TTC29: variants seen among roughly 807,000 people sequenced by gnomAD.
The protein encoded by TTC29 is tetratricopeptide repeat domain 29.
TTC29 carries 49 observed loss-of-function variants against 58.1 expected under a neutral mutation model. The ratio of observed to expected loss-of-function variants is 0.84; its 90% confidence interval spans 0.67 to 1.07. The LOEUF (loss-of-function observed/expected upper bound fraction) is 1.07, where lower values mean the gene tolerates loss of function less well. Among genes scored for constraint, TTC29 ranks in the 50% least tolerant of loss-of-function variants. TTC29 has a pLI of 0.00. For synonymous variants in TTC29, 209 were observed against 196.8 expected, an observed-to-expected ratio of 1.06 and a Z score of -0.52; for missense variants, 582 against 555.6, an observed-to-expected ratio of 1.05 and a Z score of -0.48.
chr4:146,900,541 C>A (rs112889307), intron 6 of TTC29, among the ~76,000 whole-genome samples: 1 of 152,134 alleles, frequency 6.6e-6, no homozygotes, highest in Non-Finnish European at 1.5e-5. Context: ...ATGGTAGGTG[C>A]AACATGGTGC....
At chr4:146,755,552 C>T (rs1021743381) in intron 11 of TTC29, among the ~76,000 whole-genome samples, 4 of 151,978 alleles carry the variant, frequency 2.6e-5, no homozygotes, top group Non-Finnish European at 4.4e-5. Flanking sequence ...CACATAGGGA[C>T]GATAGGTAAT....
At chr4:146,758,094 GA>G (rs2150057704) in intron 11 of TTC29, among the ~76,000 whole-genome samples, 1 of 152,180 alleles carries the variant, frequency 6.6e-6, no homozygotes, top group Non-Finnish European at 1.5e-5. Context: ...CTGCCTTCAG[GA>G]GACTTACCTA....
intron 8 of TTC29, among the ~76,000 whole-genome samples, chr4:146,850,231 G>T (rs79907052): frequency 0.061 from 9,288 of 152,256 alleles, 391 homozygotes; most frequent in Admixed American, 0.13. Flanking sequence ...AACACCCCAT[G>T]CATTGGCATT....
At chr4:146,815,419 A>G (rs1210266506) in intron 10 of TTC29, among the ~76,000 whole-genome samples, 3 of 152,210 alleles carry the variant, frequency 2.0e-5, no homozygotes, top group African/African-American at 4.8e-5. Context: ...AAGGTGGAGA[A>G]GAGTAGAAAG....
intron 6 of TTC29, among the ~76,000 whole-genome samples, chr4:146,902,021 A>G (rs1180096315): frequency 2.0e-5 from 3 of 152,224 alleles, no homozygotes; most frequent in African/African-American, 7.2e-5. Context: ...TGCTAAATAC[A>G]TTTAGCTAAT....
chr4:146,865,353 T>C (rs1025801248), intron 8 of TTC29, among the ~76,000 whole-genome samples: 1 of 152,182 alleles, frequency 6.6e-6, no homozygotes, highest in Admixed American at 6.5e-5. Context: ...GATGTTTGAA[T>C]CCATTATGGC....
chr4:146,898,337 A>T (rs1300002680), intron 6 of TTC29, among the ~76,000 whole-genome samples: 1 of 152,152 alleles, frequency 6.6e-6, no homozygotes, highest in Non-Finnish European at 1.5e-5. Context: ...TGTCTTCACA[A>T]TACTGTGCTG....
intron 8 of TTC29, among the ~76,000 whole-genome samples, chr4:146,848,152 A>G (rs1356822154): frequency 1.3e-5 from 2 of 152,268 alleles, no homozygotes; most frequent in Non-Finnish European, 2.9e-5. Context: ...ACTGGAAAGA[A>G]ACGTGAGTGG....
At chr4:146,894,893 T>C (rs1732661805) in intron 6 of TTC29, among the ~76,000 whole-genome samples, 1 of 152,132 alleles carries the variant, frequency 6.6e-6, no homozygotes, top group South Asian at 2.1e-4. Flanking sequence ...GCAGGTTTGC[T>C]ACATAAGTAA....
intron 6 of TTC29, among the ~76,000 whole-genome samples, chr4:146,901,799 C>CA (rs1402410774): frequency 3.3e-5 from 5 of 152,202 alleles, no homozygotes; most frequent in Non-Finnish European, 7.3e-5. Context: ...TTTATTGTAG[C>CA]ACTTAACACT....
intron 11 of TTC29, among the ~76,000 whole-genome samples, chr4:146,744,183 G>T (rs762312471): frequency 3.9e-5 from 6 of 152,156 alleles, no homozygotes; most frequent in Non-Finnish European, 7.3e-5. Flanking sequence ...GCTTTTGTTA[G>T]ATGTTTCCCA....
chr4:146,889,146 A>T (rs1032413537), intron 6 of TTC29, among the ~76,000 whole-genome samples: 1 of 152,036 alleles, frequency 6.6e-6, no homozygotes, highest in Non-Finnish European at 1.5e-5. Flanking sequence ...TGTGTCCTTT[A>T]TTTTTAATAT....
intron 11 of TTC29, among the ~76,000 whole-genome samples, chr4:146,756,773 T>C (rs1746484416): frequency 6.6e-6 from 1 of 151,950 alleles, no homozygotes; most frequent in Non-Finnish European, 1.5e-5. Context: ...AATTCAAATA[T>C]CTTGTCTTCC....
chr4:146,720,467 A>G (rs995350068), intron 11 of TTC29, among the ~76,000 whole-genome samples: 1 of 152,188 alleles, frequency 6.6e-6, no homozygotes, highest in Non-Finnish European at 1.5e-5. Flanking sequence ...ATCATATCAC[A>G]GAATTTTTAT....
chr4:146,812,160 A>G (rs1751067737), intron 10 of TTC29, among the ~76,000 whole-genome samples: 1 of 152,154 alleles, frequency 6.6e-6, no homozygotes, highest in South Asian at 2.1e-4. Context: ...AAAATTATAG[A>G]TTTTCCTGGT....
chr4:146,707,246 T>C (rs1194134458), intron 12 of TTC29, 58 bp from the exon 13 acceptor site: 13 of 1,194,574 alleles, frequency 1.1e-5, no homozygotes, highest in Non-Finnish European at 1.5e-5. Flanking sequence ...GCAAAGAACA[T>C]TTGTTTTGAA....
chr4:146,723,398 TTAAAC>T (rs1743521504), intron 11 of TTC29, among the ~76,000 whole-genome samples: 8 of 152,160 alleles, frequency 5.3e-5, no homozygotes, highest in Admixed American at 3.9e-4. Flanking sequence ...TGGGACCTAA[TTAAAC>T]TAAAGAGCTT....
Position 146,744,555 on chromosome 4 carries a change from T to G in TTC29, c.1331-37004A>C, listed in dbSNP as rs547645318. Among the ~76,000 whole-genome samples, 6 of 152,290 alleles carry G rather than the reference T, an allele frequency of 3.9e-5. No individual in the cohort carries two copies. In the South Asian group the frequency reaches 1.2e-3, roughly 32 times the overall value. ...CCTGCAATTTTCCAAGCCGTCTTCT[T>G]CTATACATTCTAGTTCTATGAAGGG... On this transcript the variant is annotated intron_variant, in intron 11 of 12. Transcript: ENST00000325106.
chr4:146,923,477 A>G (rs571435440), intron 4 of TTC29, among the ~76,000 whole-genome samples: 2 of 151,928 alleles, frequency 1.3e-5, no homozygotes, highest in South Asian at 4.1e-4. Flanking sequence ...ACAAGGTTCA[A>G]CACTCACACA....
Sources: allele counts gnomAD v4.1 joint callset (sites outside exome capture counted in the v4.1 genomes callset), GRCh38; gene constraint gnomAD v4.1.1; transcripts MANE v1.5; gene names NCBI Gene and HGNC (gene_info 2026-07-23, HGNC 2026-07-21).